PCDHGC4: variants seen among roughly 807,000 people sequenced by gnomAD.
The protein encoded by PCDHGC4 is protocadherin gamma subfamily C, 4, also known as protocadherin gamma-C4.
A neutral mutation model predicts 59.7 loss-of-function variants in PCDHGC4; 15 were observed. That is an observed-to-expected ratio of 0.25 (90% CI 0.17 to 0.39). The LOEUF (loss-of-function observed/expected upper bound fraction) is 0.39. Among genes scored for constraint, PCDHGC4 ranks in the 10% least tolerant of loss-of-function variants. The pLI is 1.00. For synonymous variants in PCDHGC4, 434 were observed against 481.4 expected, an observed-to-expected ratio of 0.90 and a Z score of 1.29; for missense variants, 1,016 against 1,189.5, an observed-to-expected ratio of 0.85 and a Z score of 2.15.
At chr5:141,506,308 G>A (rs941724820) in intron 3 of PCDHGC4, among the ~76,000 whole-genome samples, 8 of 152,100 alleles carry the variant, frequency 5.3e-5, no homozygotes. Flanking sequence ...AATTAGCTGG[G>A]CATGGTGGTG....
In PCDHGC4 at chr5:141,498,877, G is replaced by A. The variant is rs886444261; in HGVS notation, c.2501+4012G>A. ...GAACCCAGGAGGCGGAGGTTGCAGTGAGCTGAGATCACACCACTGCACTCC... is the reference window on the plus strand; with the variant it reads ...GAACCCAGGAGGCGGAGGTTGCAGTAAGCTGAGATCACACCACTGCACTCC... On this transcript the variant is annotated intron_variant, in intron 2 of 3. Coordinates refer to ENST00000306593, the MANE Select transcript of PCDHGC4 (RefSeq NM_018928.3). Among the ~76,000 whole-genome samples, 8 of 149,816 alleles carry A rather than the reference G, an allele frequency of 5.3e-5. No individual in the cohort carries two copies. In the East Asian group the frequency reaches 1.4e-3, roughly 26 times the overall value.
chr5:141,491,709 C>T lies in PCDHGC4; in HGVS notation c.2443-3098C>T, dbSNP rs2099725685. On this transcript the variant is annotated intron_variant, in intron 1 of 3. Coordinates refer to ENST00000306593, the MANE Select transcript of PCDHGC4 (RefSeq NM_018928.3). The surrounding 1 kb of genome is among the most constrained non-coding windows in gnomAD (Gnocchi z 6.9). The stretch of plus-strand genomic sequence containing the variant: ...TGCGGGAGCGGAGCCAGGTGAGGGG[C>T]TCGGCGCCGCCCCGGGCGACCCCTG... 6.2e-7 allele frequency: 1 copy of T among 1,610,156 alleles called. No homozygotes were observed. Among genetic ancestry groups the T allele is most frequent in the Non-Finnish European group, 8.5e-7 (1 of 1,178,376 alleles).
Position 141,511,029 on chromosome 5 carries a change from G to A in PCDHGC4, c.2673G>A (p.Leu891=), listed in dbSNP as rs1372346241. The part of the protein sequence containing the change: ...LSARYGPQFT[L]QHVPDYRQNV... ...CCCGCTACGGACCCCAGTTCACCCT[G>A]CAGCACGTGCCCGACTACCGCCAGA... The change falls in exon 4 of 4, where the codon CTG becomes CTA. Residue 891 remains leucine, a synonymous_variant. Transcript: ENST00000306593. 6.2e-7 allele frequency: 1 copy of A among 1,614,078 alleles called. No individual in the cohort carries two copies. Among genetic ancestry groups the A allele is most frequent in the Non-Finnish European group, 8.5e-7 (1 of 1,180,032 alleles).
Position 141,489,805 on chromosome 5 carries a change from A to T in PCDHGC4, c.2442+2190A>T. On this transcript the variant is annotated intron_variant, in intron 1 of 3. Transcript: ENST00000306593. The surrounding 1 kb of genome is among the most constrained non-coding windows in gnomAD (Gnocchi z 4.5). ...GAATGTGAAGACCCTAAAAGATGGG[A>T]AGCCATTCCCAGAGCTGGTGCTAGA... 1 of 1,614,166 alleles carries T rather than the reference A, an allele frequency of 6.2e-7. No individual in the cohort carries two copies. Among genetic ancestry groups the T allele is most frequent in the Non-Finnish European group, 8.5e-7 (1 of 1,180,012 alleles).
chr5:141,495,973 A>T, intron 2 of PCDHGC4, among the ~76,000 whole-genome samples: 1 of 146,986 alleles, frequency 6.8e-6, no homozygotes, highest in Admixed American at 6.8e-5. Flanking sequence ...TTTCTCTGTT[A>T]CTCTTTCTTT....
In PCDHGC4 at chr5:141,489,684, T is replaced by C. The variant is rs2099690710; in HGVS notation, c.2442+2069T>C. 1.2e-6 allele frequency: 2 copies of C among 1,614,062 alleles called. No individual in the cohort carries two copies. The highest frequency in any genetic ancestry group is 8.5e-7 in the Non-Finnish European group (1 of 1,180,034). On this transcript the variant is annotated intron_variant, in intron 1 of 3. Coordinates refer to ENST00000306593, the MANE Select transcript of PCDHGC4 (RefSeq NM_018928.3). This position sits in a 1 kb window ranked among gnomAD's most constrained non-coding sequence, Gnocchi z 4.5. ...TGCGCATCTCAGAATCAGCAGCATCTGGGGCACGATTCCCACTGGACAGTG... is the reference window on the plus strand; with the variant it reads ...TGCGCATCTCAGAATCAGCAGCATCCGGGGCACGATTCCCACTGGACAGTG...
rs1455759096 is a variant in PCDHGC4, at chr5:141,489,539, C to T, written c.2442+1924C>T. 6.2e-7 allele frequency: 1 copy of T among 1,613,980 alleles called. No individual in the cohort carries two copies. Among genetic ancestry groups the T allele is most frequent in the African/African-American group, 1.3e-5 (1 of 74,912 alleles). On this transcript the variant is annotated intron_variant, in intron 1 of 3. Coordinates refer to ENST00000306593, the MANE Select transcript of PCDHGC4 (RefSeq NM_018928.3). This position sits in a 1 kb window ranked among gnomAD's most constrained non-coding sequence, Gnocchi z 4.5. Reference sequence around the variant, plus strand: ...CGAGAAAGCCTATGTGGAGCCAGCACCAGCTGCCTGCTGCCAGTGCAGGTG... The same window carrying T: ...CGAGAAAGCCTATGTGGAGCCAGCATCAGCTGCCTGCTGCCAGTGCAGGTG...
Position 141,512,910 on chromosome 5 carries a change from T to C in PCDHGC4, c.*1737T>C, listed in dbSNP as rs2099884499. On this transcript the variant is annotated 3_prime_UTR_variant, in exon 4 of 4. Transcript: ENST00000306593. Reference sequence around the variant, plus strand: ...CTCTTCCTGTGTCTCACGCAAGTTTTATACTCTAATATTTATATGGCTTTT... The same window carrying C: ...CTCTTCCTGTGTCTCACGCAAGTTTCATACTCTAATATTTATATGGCTTTT... 1 of 152,274 alleles carries C rather than the reference T, an allele frequency of 6.6e-6. No homozygotes were observed. The highest frequency in any genetic ancestry group is 2.1e-4 in the South Asian group (1 of 4,836). 9.4% of individuals were successfully genotyped at this position (152,274 alleles called of 1,614,324 possible). A position where few individuals can be genotyped will look rare whatever the true frequency, so the allele number is the denominator to read the frequency against.
intron 1 of PCDHGC4, 106 bp from the exon 2 acceptor site, chr5:141,494,701 C>T: frequency 6.3e-7 from 1 of 1,594,596 alleles, no homozygotes; most frequent in Admixed American, 1.7e-5. Flanking sequence ...CCGTTTTCTT[C>T]TCTGTGCCCA....
rs1160304959 is a variant in PCDHGC4, at chr5:141,490,969, C to A, written c.2442+3354C>A. On this transcript the variant is annotated intron_variant, in intron 1 of 3. Coordinates refer to ENST00000306593, the MANE Select transcript of PCDHGC4 (RefSeq NM_018928.3). This position sits in a 1 kb window ranked among gnomAD's most constrained non-coding sequence, Gnocchi z 5.4. ...GCCAGACTGGGAACACTCAGCCCCC[C>A]AGCGTCTCCCTCGCTCTGCTCCTCC... The A allele has an allele frequency of 2.5e-6, 4 of 1,613,820 alleles. No individual in the cohort carries two copies. In the African/African-American group the frequency reaches 4.0e-5, roughly 16 times the overall value.
chr5:141,505,210 A>G (rs899138393), intron 2 of PCDHGC4, among the ~76,000 whole-genome samples, 183 bp from the exon 3 acceptor site: 3 of 152,192 alleles, frequency 2.0e-5, no homozygotes, highest in African/African-American at 7.2e-5. Flanking sequence ...GGTTTGAGGG[A>G]CTGACTTGTG....
chr5:141,506,262 A>G (rs1395369571), intron 3 of PCDHGC4, among the ~76,000 whole-genome samples: 1 of 152,046 alleles, frequency 6.6e-6, no homozygotes, highest in Admixed American at 6.6e-5. Context: ...CGGCCTGGCC[A>G]ACATAGTGAA....
intron 3 of PCDHGC4, among the ~76,000 whole-genome samples, chr5:141,506,190 C>T (rs1313145580): frequency 6.6e-6 from 1 of 152,180 alleles, no homozygotes; most frequent in Non-Finnish European, 1.5e-5. Flanking sequence ...GTGGCTCACG[C>T]CTGTAATCCC....
rs749528675 is a variant in PCDHGC4, at chr5:141,490,604, A to G, written c.2442+2989A>G. On this transcript the variant is annotated intron_variant, in intron 1 of 3. Coordinates refer to ENST00000306593, the MANE Select transcript of PCDHGC4 (RefSeq NM_018928.3). This position sits in a 1 kb window ranked among gnomAD's most constrained non-coding sequence, Gnocchi z 5.4. ...GTCAATGACAATGCACCCCGCTTCA[A>G]CCAGCAGCTTTACACTGCTTACATC... is the stretch of plus-strand genomic sequence containing the variant. 13 of 1,614,192 alleles carry G rather than the reference A, an allele frequency of 8.1e-6. No homozygotes were observed. Among genetic ancestry groups the G allele is most frequent in the Non-Finnish European group, 1.1e-5 (13 of 1,180,022 alleles).
At position 141,490,359 on chromosome 5, in the gene PCDHGC4, T is replaced by A; in HGVS notation, c.2442+2744T>A. On this transcript the variant is annotated intron_variant, in intron 1 of 3. Coordinates refer to ENST00000306593, the MANE Select transcript of PCDHGC4 (RefSeq NM_018928.3). The surrounding 1 kb of genome is among the most constrained non-coding windows in gnomAD (Gnocchi z 5.4). ...TGGGCACAGTAGTGGGGTTGTTTAA[T>A]GTGCGAGACCGGGACTCAGGTAGAA... 6.2e-7 allele frequency: 1 copy of A among 1,614,212 alleles called. No individual in the cohort carries two copies. The highest frequency in any genetic ancestry group is 8.5e-7 in the Non-Finnish European group (1 of 1,180,036).
chr5:141,492,164 C>T (rs1180358388), intron 1 of PCDHGC4, among the ~76,000 whole-genome samples: 2 of 152,230 alleles, frequency 1.3e-5, no homozygotes, highest in East Asian at 1.9e-4. Context: ...CTCCCTATCC[C>T]CGCATCACCC....
Position 141,510,960 on chromosome 5 carries a change from G to C in PCDHGC4, c.2604G>C (p.Gly868=). The change falls in exon 4 of 4, where the codon GGG becomes GGC. Residue 868 remains glycine, a synonymous_variant. Transcript: ENST00000306593. ...CTGTCTCTGCAGAAGCTGCTGATGG[G>C]AGCTCCACCCTGGGAGGGGGTGCCG... The part of the protein sequence containing the change: ...ILASASEAAD[G]SSTLGGGAGT... 1 of 1,614,120 alleles carries C rather than the reference G, an allele frequency of 6.2e-7. No homozygotes were observed. Among genetic ancestry groups the C allele is most frequent in the Non-Finnish European group, 8.5e-7 (1 of 1,180,022 alleles).
Position 141,485,785 on chromosome 5 carries a change from G to C in PCDHGC4, c.612G>C (p.Lys204Asn). ...LLLEKPLDREKQSDYRLVLTA... is the reference protein window; with the variant it reads ...LLLEKPLDRENQSDYRLVLTA... ...TGGAGAAGCCTTTGGATCGAGAGAAGCAATCGGACTACCGCCTGGTGCTGA... is the reference window on the plus strand; with the variant it reads ...TGGAGAAGCCTTTGGATCGAGAGAACCAATCGGACTACCGCCTGGTGCTGA... The change falls in exon 1 of 4, where the codon AAG becomes AAC. Residue 204 changes from lysine (K) to asparagine (N), a missense_variant. Coordinates refer to ENST00000306593, the MANE Select transcript of PCDHGC4 (RefSeq NM_018928.3). The surrounding 1 kb of genome is among the most constrained non-coding windows in gnomAD (Gnocchi z 5.7). The C allele has an allele frequency of 1.2e-6, 2 of 1,614,214 alleles. No individual in the cohort carries two copies. The highest frequency in any genetic ancestry group is 1.7e-6 in the Non-Finnish European group (2 of 1,180,030).
rs775132338 is a variant in PCDHGC4 at position 141,490,858 on chromosome 5, G to A, written c.2442+3243G>A. On this transcript the variant is annotated intron_variant, in intron 1 of 3. Coordinates refer to ENST00000306593, the MANE Select transcript of PCDHGC4 (RefSeq NM_018928.3). This position sits in a 1 kb window ranked among gnomAD's most constrained non-coding sequence, Gnocchi z 5.4. Reference sequence around the variant, plus strand: ...GATTGTGGTGGGGGTTCGAGACTCCGGCTCTCCCCCATTGCATGCCAACAC... The same window carrying A: ...GATTGTGGTGGGGGTTCGAGACTCCAGCTCTCCCCCATTGCATGCCAACAC... 14 of 1,613,704 alleles carry A rather than the reference G, an allele frequency of 8.7e-6. No homozygotes were observed. Among genetic ancestry groups the A allele is most frequent in the South Asian group, 2.2e-5 (2 of 91,068 alleles).
Sources: gnomAD v4.1 joint callset for allele counts (sites outside exome capture counted in the v4.1 genomes callset) on GRCh38, gnomAD v4.1.1 for gene constraint, Gnocchi (gnomAD v3.1) non-coding constraint, MANE v1.5 for transcripts, NCBI Gene and HGNC (gene_info 2026-07-23, HGNC 2026-07-21) for gene names.